The following CLGN variants were observed in gnomAD, a reference collection of about 807,000 sequenced individuals.
CLGN encodes testis tissue sperm-binding protein Li 79P.
A neutral mutation model predicts 79.1 loss-of-function variants in CLGN; 62 were observed. The ratio of observed to expected loss-of-function variants is 0.78; its 90% confidence interval spans 0.64 to 0.97. CLGN has a LOEUF of 0.97. CLGN is among the 50% of genes least tolerant of loss of function. The pLI is 0.00. For missense variants in CLGN, 647 were observed against 715.5 expected (o/e 0.90, Z 1.09); for synonymous variants, 225 against 224.7 (o/e 1.00, Z -0.01).
intron 1 of CLGN, among the ~76,000 whole-genome samples, chr4:140,420,344 A>G (rs1729439720): frequency 6.6e-6 from 1 of 152,128 alleles, no homozygotes; most frequent in African/African-American, 2.4e-5. Context: ...AAAACACTTT[A>G]TCTTGAAAGT....
intron 1 of CLGN, among the ~76,000 whole-genome samples, chr4:140,424,367 A>T (rs1463634492): frequency 1.3e-5 from 2 of 152,154 alleles, no homozygotes; most frequent in African/African-American, 2.4e-5. Flanking sequence ...TGTGTTCAGA[A>T]AACTTACTTT....
At position 140,403,687 on chromosome 4, in the gene CLGN, A is replaced by G. The variant is rs183368481; in HGVS notation, c.420-1621T>C. On this transcript the variant is annotated intron_variant, in intron 5 of 14. Transcript: ENST00000325617. ...ACAGTGGCTGCATAAATGTGAACACAGTTTCATTGTTCCATTATGCCTAGA... is the reference window on the plus strand; with the variant it reads ...ACAGTGGCTGCATAAATGTGAACACGGTTTCATTGTTCCATTATGCCTAGA... Among the ~76,000 whole-genome samples, 509 of 152,362 alleles carry G rather than the reference A, an allele frequency of 3.3e-3. 2 individuals carry two copies. Among genetic ancestry groups the G allele is most frequent in the Non-Finnish European group, 5.5e-3 (376 of 68,038 alleles).
intron 10 of CLGN, among the ~76,000 whole-genome samples, chr4:140,395,416 G>C (rs777391777): frequency 1.3e-5 from 2 of 152,096 alleles, no homozygotes; most frequent in African/African-American, 2.4e-5. Flanking sequence ...AAAGTGCTGG[G>C]ATTACAGGCA....
intron 13 of CLGN, among the ~76,000 whole-genome samples, chr4:140,391,415 A>C (rs1310014376): frequency 6.6e-6 from 1 of 151,894 alleles, no homozygotes; most frequent in Non-Finnish European, 1.5e-5. Context: ...AAGAAGTTAC[A>C]AAAACAAGGC....
intron 1 of CLGN, among the ~76,000 whole-genome samples, chr4:140,418,917 G>A (rs563498500): frequency 7.2e-5 from 11 of 152,154 alleles, no homozygotes; most frequent in Admixed American, 3.3e-4. Flanking sequence ...TGTTTATTGC[G>A]GCATTATTCA....
intron 5 of CLGN, among the ~76,000 whole-genome samples, chr4:140,402,346 A>C (rs568870102): frequency 2.0e-5 from 3 of 152,152 alleles, no homozygotes; most frequent in African/African-American, 7.2e-5. Context: ...AAAACTGATA[A>C]ATTAAGCATA....
intron 2 of CLGN, among the ~76,000 whole-genome samples, chr4:140,412,704 C>G (rs756298079): frequency 6.6e-6 from 1 of 152,074 alleles, no homozygotes; most frequent in Non-Finnish European, 1.5e-5. Flanking sequence ...ATAGTAAAAA[C>G]CTCCCCCATA....
chr4:140,416,841 C>A (rs973978918), intron 1 of CLGN, among the ~76,000 whole-genome samples: 1 of 151,272 alleles, frequency 6.6e-6, no homozygotes, highest in Non-Finnish European at 1.5e-5. Context: ...TCCTCCCTAA[C>A]TCATTTTATG....
chr4:140,399,479 C>T (rs1728959640), intron 7 of CLGN, among the ~76,000 whole-genome samples: 1 of 152,040 alleles, frequency 6.6e-6, no homozygotes, highest in African/African-American at 2.4e-5. Context: ...TTGGTGTTCC[C>T]CCAAATGCCT....
intron 10 of CLGN, among the ~76,000 whole-genome samples, chr4:140,394,280 C>A (rs1205752741): frequency 2.6e-5 from 4 of 152,076 alleles, no homozygotes; most frequent in Admixed American, 6.6e-5. Context: ...AAGGGAAAAT[C>A]CAACATAAAC....
intron 1 of CLGN, among the ~76,000 whole-genome samples, chr4:140,421,973 G>A (rs893253027): frequency 6.6e-6 from 1 of 151,994 alleles, no homozygotes; most frequent in African/African-American, 2.4e-5. Context: ...TTTAAGGTAA[G>A]GTTACAACCT....
chr4:140,405,194 T>A (rs1294418631), intron 5 of CLGN, among the ~76,000 whole-genome samples: 1 of 147,228 alleles, frequency 6.8e-6, no homozygotes, highest in African/African-American at 2.5e-5. Flanking sequence ...TTTTTTTATT[T>A]TTTTTTTTGA....
chr4:140,400,161 T>G (rs1728971171), intron 7 of CLGN, among the ~76,000 whole-genome samples, 196 bp downstream of exon 7: 1 of 152,222 alleles, frequency 6.6e-6, no homozygotes, highest in Non-Finnish European at 1.5e-5. Context: ...TGTGAACTCT[T>G]AGCTGTGCCT....
intron 3 of CLGN, 81 bp downstream of exon 3, chr4:140,410,472 G>T: frequency 1.1e-6 from 1 of 931,278 alleles, no homozygotes; most frequent in Non-Finnish European, 1.7e-6. Flanking sequence ...CTGTAGTAGA[G>T]ATAATTTTCA....
chr4:140,397,463 T>C (rs1728914161), intron 8 of CLGN, among the ~76,000 whole-genome samples: 1 of 152,078 alleles, frequency 6.6e-6, no homozygotes, highest in African/African-American at 2.4e-5. Flanking sequence ...GGGAGGTTTT[T>C]TTTTTTGCAA....
At chr4:140,416,541 A>G (rs1729336258) in intron 1 of CLGN, among the ~76,000 whole-genome samples, 1 of 152,058 alleles carries the variant, frequency 6.6e-6, no homozygotes, top group Non-Finnish European at 1.5e-5. Context: ...TCCCACAAAT[A>G]CAAACTACCA....
chr4:140,417,965 C>T (rs1181725638), intron 1 of CLGN, among the ~76,000 whole-genome samples: 18 of 152,248 alleles, frequency 1.2e-4, no homozygotes, highest in African/African-American at 4.1e-4. Flanking sequence ...TACAAGGCTA[C>T]AGTAACCAAA....
At position 140,410,554 on chromosome 4, in the gene CLGN, C is replaced by A; in HGVS notation, c.217G>T (p.Gly73Ter). 2.5e-6 allele frequency: 4 copies of A among 1,592,890 alleles called. No homozygotes were observed. The highest frequency in any genetic ancestry group is 3.4e-6 in the Non-Finnish European group (4 of 1,161,316). The change falls in exon 3 of 15, where the codon GGA becomes TGA. Residue 73 changes from glycine to a stop codon, truncating the protein, a stop_gained and splice_region_variant. Transcript: ENST00000325617. LOFTEE classifies it high-confidence loss of function. ...AETFDSGRLAGWVLSKAKKDD... is the reference protein window; with the variant it reads ...AETFDSGRLA ...ACATTCTCTTGAATGAATACTCACCCAGCCAACCTTCCACTATCAAAAGTT... is the reference window on the plus strand; with the variant it reads ...ACATTCTCTTGAATGAATACTCACCAAGCCAACCTTCCACTATCAAAAGTT...
At chr4:140,414,312 T>C (rs1044947579) in intron 1 of CLGN, among the ~76,000 whole-genome samples, 13 of 151,938 alleles carry the variant, frequency 8.6e-5, no homozygotes, top group Non-Finnish European at 1.5e-4. Context: ...TCCAAAGGAA[T>C]GCAGTTCCTC....
Sources: allele counts gnomAD v4.1 joint callset (sites outside exome capture counted in the v4.1 genomes callset), GRCh38; gene constraint gnomAD v4.1.1; transcripts MANE v1.5; gene names NCBI Gene and HGNC (gene_info 2026-07-23, HGNC 2026-07-21).